CCDC38: variants seen among roughly 807,000 people sequenced by gnomAD.
CCDC38 encodes the protein coiled-coil domain containing 38, also known as coiled-coil domain-containing protein 38.
Under a neutral mutation model 72.8 loss-of-function variants are expected in CCDC38, and 69 were observed. The observed-to-expected ratio is 0.95, with a 90% CI of 0.78 to 1.16. The LOEUF (loss-of-function observed/expected upper bound fraction) is 1.16. Among genes scored for constraint, CCDC38 ranks in the 50% most tolerant of loss-of-function variants. The pLI, the probability that CCDC38 is intolerant of heterozygous loss-of-function variation, is 0.00. For missense variants in CCDC38, 626 were observed against 638.9 expected (o/e 0.98, Z 0.22); for synonymous variants, 201 against 213.2 (o/e 0.94, Z 0.50).
At chr12:95,876,827 C>T (rs2121420814) in intron 13 of CCDC38, among the ~76,000 whole-genome samples, 1 of 152,198 alleles carries the variant, frequency 6.6e-6, no homozygotes, top group African/African-American at 2.4e-5. Flanking sequence ...AGTTCATATC[C>T]ATAAATGTGA....
At chr12:95,888,320 C>T in intron 10 of CCDC38, 138 bp downstream of exon 10, 1 of 740,874 alleles carries the variant, frequency 1.3e-6, no homozygotes, top group South Asian at 1.7e-5. Context: ...CAGGAGTGCA[C>T]AGAAATGGCA....
chr12:95,939,367 A>G (rs997194960), intron 1 of CCDC38, among the ~76,000 whole-genome samples: 2 of 152,332 alleles, frequency 1.3e-5, no homozygotes, highest in East Asian at 1.9e-4. Context: ...GAACCATTCA[A>G]TGAATCACTC....
intron 2 of CCDC38, chr12:95,919,627 C>A (rs961602814): frequency 2.2e-6 from 1 of 455,896 alleles, no homozygotes; most frequent in African/African-American, 2.0e-5. Flanking sequence ...CTTACTGCTT[C>A]ATGAGGAATG....
At chr12:95,873,149 G>GC (rs1247569427) in intron 13 of CCDC38, among the ~76,000 whole-genome samples, 1 of 152,036 alleles carries the variant, frequency 6.6e-6, no homozygotes, top group East Asian at 1.9e-4. Context: ...ATGTAACCCA[G>GC]CCCCCCTCCT....
At chr12:95,894,785 T>A (rs2079867632) in intron 8 of CCDC38, among the ~76,000 whole-genome samples, 1 of 152,192 alleles carries the variant, frequency 6.6e-6, no homozygotes, top group South Asian at 2.1e-4. Flanking sequence ...TAAGTATTCC[T>A]CTACAGCAAC....
At chr12:95,875,554 C>T (rs10859969) in intron 13 of CCDC38, among the ~76,000 whole-genome samples, 51,957 of 151,850 alleles carry the variant, frequency 0.34, 9,323 homozygotes, top group South Asian at 0.49. Flanking sequence ...GGAAAAGAAT[C>T]TTTTAAAAAA....
chr12:95,903,426 C>T (rs764191493), intron 5 of CCDC38: 1 of 699,342 alleles, frequency 1.4e-6, no homozygotes, highest in South Asian at 1.5e-5. Context: ...AGAACACTGA[C>T]AAAAAGAAGT....
At chr12:95,887,695 T>C (rs557682934) in intron 10 of CCDC38, among the ~76,000 whole-genome samples, 1 of 152,338 alleles carries the variant, frequency 6.6e-6, no homozygotes, top group Admixed American at 6.5e-5. Context: ...GTCAATATCC[T>C]GGTTATGGTA....
In CCDC38 at chr12:95,879,767, TCTGGTTC is replaced by T; in HGVS notation, c.1012_1018del (p.Glu338ArgfsTer24). 6.2e-7 allele frequency: 1 copy of T among 1,608,840 alleles called. No homozygotes were observed. Among genetic ancestry groups the T allele is most frequent in the East Asian group, 2.2e-5 (1 of 44,848 alleles). On this transcript the variant is annotated frameshift_variant, in exon 12 of 16. Transcript: ENST00000344280. LOFTEE classifies it high-confidence loss of function. This position sits in a 1 kb window ranked among gnomAD's most constrained non-coding sequence, Gnocchi z 5.5. ...CTCTCTGAGGACTTGAAGTAACTCC[TCTGGTTC>T]CTTGAAATAAAGTGCTGGCTCCTAA...
At chr12:95,906,963 C>T (rs1217951457) in intron 4 of CCDC38, among the ~76,000 whole-genome samples, 1 of 151,020 alleles carries the variant, frequency 6.6e-6, no homozygotes, top group African/African-American at 2.4e-5. Context: ...AGGCAGAGGA[C>T]CCTGCGGCCT....
Position 95,898,619 on chromosome 12 carries a change from A to G in CCDC38, c.482T>C (p.Phe161Ser). 6.2e-7 allele frequency: 1 copy of G among 1,614,220 alleles called. No individual in the cohort carries two copies. Among genetic ancestry groups the G allele is most frequent in the South Asian group, 1.1e-5 (1 of 91,092 alleles). ...GTCATTTTCTCGAAGGAACTCTTCA[A>G]AGGCCAGTGCATCATCTTGGAGCTT... The part of the protein sequence containing the change: ...EKKLQDDALA[F>S]EEFLRENDQR... Residue 161 changes from phenylalanine (F) to serine (S), a missense_variant, in exon 6 of 16, where the codon TTT (phenylalanine) becomes TCT (serine). Phe to Ser is a radical substitution (Grantham distance 155). Transcript: ENST00000344280.
intron 4 of CCDC38, among the ~76,000 whole-genome samples, chr12:95,911,620 G>A (rs777488458): frequency 1.3e-5 from 2 of 152,134 alleles, no homozygotes; most frequent in East Asian, 1.9e-4. Flanking sequence ...AAGAATGCCC[G>A]ACATTGCCAA....
At chr12:95,919,510 G>A (rs1352823504) in intron 2 of CCDC38, 5 of 455,860 alleles carry the variant, frequency 1.1e-5, no homozygotes, top group Non-Finnish European at 2.2e-5. Flanking sequence ...TCCTTCTCAG[G>A]CCATGTTTAG....
At chr12:95,903,334 T>C in intron 5 of CCDC38, 1 of 661,194 alleles carries the variant, frequency 1.5e-6, no homozygotes, top group Non-Finnish European at 2.7e-6. Flanking sequence ...TGTCTGTAAA[T>C]AAAGACAGCT....
At chr12:95,889,550 A>G (rs532187795) in intron 9 of CCDC38, among the ~76,000 whole-genome samples, 24 of 152,320 alleles carry the variant, frequency 1.6e-4, no homozygotes, top group African/African-American at 5.5e-4. Context: ...TTTACTTTTC[A>G]ATCAGCTGGC....
chr12:95,877,526 T>G (rs1055256235), intron 13 of CCDC38, among the ~76,000 whole-genome samples: 1 of 152,222 alleles, frequency 6.6e-6, no homozygotes, highest in Non-Finnish European at 1.5e-5. Flanking sequence ...AATTTTTATT[T>G]CATTTGAGGT....
chr12:95,872,667 C>T (rs1325269283), intron 13 of CCDC38, among the ~76,000 whole-genome samples: 1 of 152,190 alleles, frequency 6.6e-6, no homozygotes, highest in East Asian at 1.9e-4. Context: ...CTCCGCCTCC[C>T]AGGTTCAAGC....
intron 7 of CCDC38, among the ~76,000 whole-genome samples, chr12:95,896,981 T>C (rs1030201179): frequency 1.3e-5 from 2 of 152,204 alleles, no homozygotes; most frequent in Admixed American, 6.5e-5. Flanking sequence ...AAACTTCTAA[T>C]TGCATCGGGG....
At chr12:95,913,731 A>T (rs1395197717) in intron 4 of CCDC38, among the ~76,000 whole-genome samples, 1 of 152,214 alleles carries the variant, frequency 6.6e-6, no homozygotes, top group Non-Finnish European at 1.5e-5. Context: ...CTATTATTTA[A>T]ACAATACAAT....
Sources: allele counts gnomAD v4.1 joint callset (sites outside exome capture counted in the v4.1 genomes callset), GRCh38; gene constraint gnomAD v4.1.1; non-coding constraint Gnocchi (gnomAD v3.1); transcripts MANE v1.5; gene names NCBI Gene and HGNC (gene_info 2026-07-23, HGNC 2026-07-21).